Variants in CELF4 observed in about 807,000 individuals in gnomAD.
CELF4 encodes the protein CUGBP Elav-like family member 4.
Under a neutral mutation model 59.9 loss-of-function variants are expected in CELF4, and 18 were observed. The observed-to-expected ratio is 0.30, with a 90% CI of 0.21 to 0.45. The LOEUF is 0.45. CELF4 is among the 20% of genes least tolerant of loss of function. The probability of loss-of-function intolerance (pLI) is 1.00; values close to 1 mark genes in which losing one functional copy is unlikely to be tolerated. For missense variants in CELF4, 456 were observed against 689.0 expected, an observed-to-expected ratio of 0.66 and a Z score of 3.79; for synonymous variants, 261 against 267.1, an observed-to-expected ratio of 0.98 and a Z score of 0.22.
intron 3 of CELF4, among the ~76,000 whole-genome samples, chr18:37,301,166 C>A (rs1036547531): frequency 6.6e-6 from 1 of 152,160 alleles, no homozygotes; most frequent in Non-Finnish European, 1.5e-5. Context: ...ATGAGCAAAA[C>A]TGTGGCACCA....
Position 37,253,849 on chromosome 18 carries a change from G to A in CELF4, c.1423C>T (p.Gln475Ter). 6.2e-7 allele frequency: 1 copy of A among 1,608,142 alleles called. No individual in the cohort carries two copies. The change falls in exon 12 of 13, where the codon CAG (glutamine) becomes TAG (stop). Residue 475 changes from glutamine (Q) to a stop codon, truncating the protein, a stop_gained. Coordinates refer to ENST00000420428, the MANE Select transcript of CELF4 (RefSeq NM_020180.4). LOFTEE classifies it high-confidence loss of function. This position sits in a 1 kb window ranked among gnomAD's most constrained non-coding sequence, Gnocchi z 4.5. The stretch of plus-strand genomic sequence containing the variant: ...TTGGCGTCTTTGGGCCGCTTCAGCT[G>A]CACCTTGAGCCTCTTCATGCCGATC... ...FQIGMKRLKVQLKRPKDANRP... is the reference protein window; with the variant it reads ...FQIGMKRLKV
At chr18:37,423,464 CATT>C (rs1196827303) in intron 2 of CELF4, among the ~76,000 whole-genome samples, 2 of 151,866 alleles carry the variant, frequency 1.3e-5, no homozygotes, top group East Asian at 3.9e-4. Flanking sequence ...AGCTCAGAGA[CATT>C]GTTGGTAAAA....
chr18:37,365,322 T>C (rs1463560367), intron 2 of CELF4, among the ~76,000 whole-genome samples: 1 of 151,988 alleles, frequency 6.6e-6, no homozygotes, highest in Non-Finnish European at 1.5e-5. Context: ...AATACCCTTC[T>C]ACCAAGCCCG....
At chr18:37,365,863 T>C (rs907490481) in intron 2 of CELF4, among the ~76,000 whole-genome samples, 1 of 152,140 alleles carries the variant, frequency 6.6e-6, no homozygotes, top group Non-Finnish European at 1.5e-5. Flanking sequence ...CATAGTACAA[T>C]ATGGACATAG....
At chr18:37,306,890 G>A (rs1286695332) in intron 3 of CELF4, among the ~76,000 whole-genome samples, 1 of 152,220 alleles carries the variant, frequency 6.6e-6, no homozygotes, top group African/African-American at 2.4e-5. Flanking sequence ...GTCAGGGCGA[G>A]ATTGCCGAAG....
chr18:37,356,092 C>T (rs2956967), intron 2 of CELF4, among the ~76,000 whole-genome samples: 1 of 152,170 alleles, frequency 6.6e-6, no homozygotes, highest in African/African-American at 2.4e-5. Context: ...CGTTTATTTT[C>T]TGATTCAGGT....
chr18:37,274,166 A>G (rs1662914), intron 6 of CELF4, 145 bp downstream of exon 6: 1,462,594 of 1,478,482 alleles, frequency 0.99, 723,467 homozygotes, highest in East Asian at 1. Context: ...TAAACCCCCC[A>G]GGTTCATGGG....
intron 1 of CELF4, among the ~76,000 whole-genome samples, chr18:37,537,205 T>C (rs1680328758): frequency 6.6e-6 from 1 of 152,208 alleles, no homozygotes; most frequent in African/African-American, 2.4e-5. Context: ...ATGACTTTCA[T>C]TTGAATCTCC....
intron 3 of CELF4, among the ~76,000 whole-genome samples, chr18:37,320,003 T>C (rs923574391): frequency 1.3e-5 from 2 of 152,196 alleles, no homozygotes; most frequent in African/African-American, 4.8e-5. Context: ...TGGGGCCACC[T>C]TGGAGGCTGT....
In CELF4 at chr18:37,565,369, T is replaced by C. The variant is rs1443577998; in HGVS notation, c.273A>G (p.Thr91=). The change falls in exon 1 of 13, where the codon ACA becomes ACG. Residue 91 remains threonine, a synonymous_variant. Coordinates refer to ENST00000420428, the MANE Select transcript of CELF4 (RefSeq NM_020180.4). The part of the protein sequence containing the change: ...YELTVLKDRF[T]GMHKGCAFLT... The stretch of plus-strand genomic sequence containing the variant: ...AGGTGTACTCACCTTTGTGCATGCC[T>C]GTGAACCTGTCCTTCAGAACCGTAA... 1 of 1,580,758 alleles carries C rather than the reference T, an allele frequency of 6.3e-7. No individual in the cohort carries two copies. The highest frequency in any genetic ancestry group is 8.6e-7 in the Non-Finnish European group (1 of 1,162,046).
At chr18:37,366,796 C>T (rs945193239) in intron 2 of CELF4, among the ~76,000 whole-genome samples, 2 of 152,070 alleles carry the variant, frequency 1.3e-5, no homozygotes, top group African/African-American at 2.4e-5. Context: ...CTAAATTCCA[C>T]GCTTCTATTT....
At chr18:37,395,786 C>G (rs1023310109) in intron 2 of CELF4, among the ~76,000 whole-genome samples, 6 of 152,206 alleles carry the variant, frequency 3.9e-5, no homozygotes, top group Non-Finnish European at 8.8e-5. Flanking sequence ...AGACCCAGTC[C>G]TGAGGCCCCC....
intron 2 of CELF4, among the ~76,000 whole-genome samples, chr18:37,462,759 C>A (rs1446611004): frequency 6.6e-6 from 1 of 151,674 alleles, no homozygotes; most frequent in East Asian, 1.9e-4. Context: ...CCTGGCCCAG[C>A]ACAAATTTGC....
chr18:37,349,184 G>A (rs1470473523), intron 2 of CELF4, among the ~76,000 whole-genome samples: 1 of 152,224 alleles, frequency 6.6e-6, no homozygotes, highest in African/African-American at 2.4e-5. Flanking sequence ...CAGAGATAGC[G>A]CAGGCGGTTT....
intron 4 of CELF4, 80 bp downstream of exon 4, chr18:37,275,035 G>A: frequency 1.3e-6 from 2 of 1,561,894 alleles, no homozygotes; most frequent in East Asian, 2.3e-5. Flanking sequence ...CGATGGCCCC[G>A]GAGACTCAGA....
At chr18:37,327,227 C>T (rs2154528129) in intron 2 of CELF4, among the ~76,000 whole-genome samples, 1 of 152,258 alleles carries the variant, frequency 6.6e-6, no homozygotes, top group South Asian at 2.1e-4. Flanking sequence ...AAGTCTACTC[C>T]CACCAGCCTC....
intron 2 of CELF4, among the ~76,000 whole-genome samples, chr18:37,434,081 G>T (rs972099367): frequency 2.6e-5 from 4 of 152,220 alleles, no homozygotes; most frequent in African/African-American, 9.6e-5. Context: ...CTTGGTATCT[G>T]ACGCTGGTGA....
intron 2 of CELF4, among the ~76,000 whole-genome samples, chr18:37,432,336 C>T (rs2099672083): frequency 6.6e-6 from 1 of 152,240 alleles, no homozygotes; most frequent in Admixed American, 6.5e-5. Context: ...CCCAGCACAT[C>T]CCACCTGGGC....
chr18:37,327,711 C>G (rs1310513824), intron 2 of CELF4, among the ~76,000 whole-genome samples: 1 of 152,202 alleles, frequency 6.6e-6, no homozygotes, highest in African/African-American at 2.4e-5. Context: ...CTGCCTCACT[C>G]TCCCTCGGGA....
Sources: gnomAD v4.1 joint callset for allele counts (sites outside exome capture counted in the v4.1 genomes callset) on GRCh38, gnomAD v4.1.1 for gene constraint, Gnocchi (gnomAD v3.1) non-coding constraint, MANE v1.5 for transcripts, NCBI Gene and HGNC (gene_info 2026-07-23, HGNC 2026-07-21) for gene names.